The following CNTN5 variants were observed in gnomAD, a reference collection of about 807,000 sequenced individuals.
CNTN5 encodes the protein contactin 5, also known as contactin-5.
A neutral mutation model predicts 129.1 loss-of-function variants in CNTN5; 77 were observed. The ratio of observed to expected loss-of-function variants is 0.60; its 90% CI spans 0.50 to 0.72. The LOEUF is 0.72. Among genes scored for constraint, CNTN5 ranks in the 30% least tolerant of loss-of-function variants. The probability of loss-of-function intolerance (pLI) is 0.00; values close to 1 mark genes in which losing one functional copy is unlikely to be tolerated. For synonymous variants in CNTN5, 509 were observed against 465.6 expected (o/e 1.09, Z -1.20); for missense variants, 1,478 against 1,328.8 (o/e 1.11, Z -1.75).
chr11:99,060,075 G>A (rs1333481564), intron 1 of CNTN5, among the ~76,000 whole-genome samples: 1 of 151,918 alleles, frequency 6.6e-6, no homozygotes, highest in East Asian at 1.9e-4. Flanking sequence ...TTCTAGACTG[G>A]TTATTTTAAA....
At chr11:99,923,840 A>C (rs10894167) in intron 7 of CNTN5, among the ~76,000 whole-genome samples, 71,590 of 151,192 alleles carry the variant, frequency 0.47, 17,440 homozygotes, top group Non-Finnish European at 0.54. Context: ...CAGGCTGGAG[A>C]GCAGTGGCAT....
chr11:99,309,265 T>TA (rs1322327645), intron 1 of CNTN5, among the ~76,000 whole-genome samples: 1 of 151,676 alleles, frequency 6.6e-6, no homozygotes, highest in Non-Finnish European at 1.5e-5. Flanking sequence ...GTGATACTTA[T>TA]AAACTATTGA....
intron 1 of CNTN5, among the ~76,000 whole-genome samples, chr11:99,145,005 A>G (rs1859707304): frequency 6.6e-6 from 1 of 152,040 alleles, no homozygotes; most frequent in Non-Finnish European, 1.5e-5. Flanking sequence ...TTATGTTGGT[A>G]TCTGCACATC....
intron 1 of CNTN5, among the ~76,000 whole-genome samples, chr11:99,284,575 A>G (rs1248381230): frequency 6.8e-6 from 1 of 147,622 alleles, no homozygotes; most frequent in Non-Finnish European, 1.5e-5. Flanking sequence ...ATTTCTTGGA[A>G]GAACTGTTTA....
At chr11:100,063,706 T>TAAAAAAAAAAAAA (rs35896237) in intron 10 of CNTN5, among the ~76,000 whole-genome samples, 3 of 115,280 alleles carry the variant, frequency 2.6e-5, no homozygotes, top group Admixed American at 9.6e-5. Flanking sequence ...AACCTGTCTC[T>TAAAAAAAAAAAAA]AAAAAAAAAA....
At chr11:99,998,977 C>T (rs1939659396) in intron 8 of CNTN5, among the ~76,000 whole-genome samples, 1 of 151,906 alleles carries the variant, frequency 6.6e-6, no homozygotes, top group African/African-American at 2.4e-5. Context: ...AACTGGATCC[C>T]TTCCTTACAC....
intron 18 of CNTN5, among the ~76,000 whole-genome samples, chr11:100,294,249 T>C (rs1421942640): frequency 6.6e-6 from 1 of 151,834 alleles, no homozygotes; most frequent in Non-Finnish European, 1.5e-5. Flanking sequence ...AATTAAAGCA[T>C]ATTATTAGTG....
chr11:100,147,408 A>G (rs185822013), intron 13 of CNTN5, among the ~76,000 whole-genome samples: 4 of 152,224 alleles, frequency 2.6e-5, no homozygotes, highest in Admixed American at 2.0e-4. Context: ...CACTGTTCTT[A>G]TGGACTTCTC....
intron 9 of CNTN5, among the ~76,000 whole-genome samples, chr11:100,040,293 G>A (rs779511207): frequency 6.6e-6 from 1 of 152,316 alleles, no homozygotes; most frequent in South Asian, 2.1e-4. Flanking sequence ...AGATATTGGA[G>A]AACTGCAGAT....
chr11:99,518,427 C>T (rs993538922), intron 2 of CNTN5, among the ~76,000 whole-genome samples: 13 of 152,026 alleles, frequency 8.6e-5, no homozygotes, highest in African/African-American at 2.9e-4. Flanking sequence ...AAAATCACTA[C>T]GAGTCAAAAC....
At chr11:99,908,555 T>C (rs1232758346) in intron 6 of CNTN5, among the ~76,000 whole-genome samples, 2 of 152,070 alleles carry the variant, frequency 1.3e-5, no homozygotes, top group Non-Finnish European at 2.9e-5. Flanking sequence ...AGGATTATTA[T>C]ATAATTGTTT....
intron 3 of CNTN5, among the ~76,000 whole-genome samples, chr11:99,783,010 A>C (rs1165036135): frequency 6.6e-6 from 1 of 151,218 alleles, no homozygotes. Flanking sequence ...GCACAGCAAA[A>C]GAAACTACCA....
chr11:99,285,268 G>T (rs1863883223), intron 1 of CNTN5, among the ~76,000 whole-genome samples: 1 of 152,054 alleles, frequency 6.6e-6, no homozygotes, highest in Non-Finnish European at 1.5e-5. Flanking sequence ...ATTAAAACCT[G>T]CCAATTAATT....
chr11:99,027,073 C>A lies in CNTN5; in HGVS notation c.-210+5803C>A, dbSNP rs187941875. ...TTTCACAATGAACTTGGTATGCACT[C>A]ACCAGCTACATCAAATGACAGAAGG... On this transcript the variant is annotated intron_variant, in intron 1 of 24. Transcript: ENST00000524871. 2.3e-3 allele frequency among the ~76,000 whole-genome samples: 342 copies of A among 151,402 alleles called. 1 individual carries two copies. The highest frequency in any genetic ancestry group is 4.0e-3 in the Non-Finnish European group (270 of 67,472).
chr11:99,716,648 C>T lies in CNTN5; in HGVS notation c.56-102896C>T, dbSNP rs573350194. 1.1e-4 allele frequency among the ~76,000 whole-genome samples: 17 copies of T among 152,166 alleles called. 1 individual carries two copies. The highest frequency in any genetic ancestry group is 8.5e-4 in the Admixed American group (13 of 15,248). On this transcript the variant is annotated intron_variant, in intron 3 of 24. Transcript: ENST00000524871. ...GCAGCTCTTAGAAATTGTAATAAAT[C>T]TCTTACCCTCAGCATCCACAGAATT...
At chr11:100,312,319 T>A (rs1014739118) in intron 21 of CNTN5, among the ~76,000 whole-genome samples, 1 of 152,012 alleles carries the variant, frequency 6.6e-6, no homozygotes, top group African/African-American at 2.4e-5. Context: ...ACACTAAATA[T>A]GATATAGGTG....
intron 8 of CNTN5, among the ~76,000 whole-genome samples, chr11:99,970,022 C>T (rs1951206370): frequency 6.6e-6 from 1 of 152,136 alleles, no homozygotes; most frequent in African/African-American, 2.4e-5. Context: ...TTACCTTTCT[C>T]CTAGTCATCA....
At chr11:100,054,727 A>C (rs1943126610) in intron 9 of CNTN5, among the ~76,000 whole-genome samples, 1 of 151,744 alleles carries the variant, frequency 6.6e-6, no homozygotes, top group African/African-American at 2.4e-5. Context: ...TATATTAGTA[A>C]GATAATGCTA....
intron 8 of CNTN5, among the ~76,000 whole-genome samples, chr11:99,972,085 TAAAAAAAAAAA>T (rs71050038): frequency 1.1e-5 from 1 of 92,228 alleles, no homozygotes; most frequent in African/African-American, 4.2e-5. Flanking sequence ...TTATCTCTAT[TAAAAAAAAAAA>T]AAAAAAAAAA....
Sources: allele counts gnomAD v4.1 joint callset (sites outside exome capture counted in the v4.1 genomes callset), GRCh38; gene constraint gnomAD v4.1.1; transcripts MANE v1.5; gene names NCBI Gene and HGNC (gene_info 2026-07-23, HGNC 2026-07-21).